Variants in CORO1C observed in about 807,000 individuals in gnomAD.
The protein encoded by CORO1C is coronin-1C.
A neutral mutation model predicts 51.2 loss-of-function variants in CORO1C; 14 were observed. That is an observed-to-expected ratio of 0.27 (90% CI 0.18 to 0.43). CORO1C has a LOEUF of 0.43. Among genes scored for constraint, CORO1C ranks in the 20% least tolerant of loss-of-function variants. The probability of loss-of-function intolerance (pLI) is 1.00; values close to 1 mark genes in which losing one functional copy is unlikely to be tolerated. For synonymous variants in CORO1C, 181 were observed against 210.5 expected (o/e 0.86, Z 1.21); for missense variants, 417 against 607.8 (o/e 0.69, Z 3.30).
intron 2 of CORO1C, among the ~76,000 whole-genome samples, chr12:108,698,655 C>T (rs1231068306): frequency 6.6e-6 from 1 of 152,262 alleles, no homozygotes; most frequent in Non-Finnish European, 1.5e-5. Context: ...GATCCGCCCG[C>T]CTCAGCCTCC....
intron 2 of CORO1C, among the ~76,000 whole-genome samples, chr12:108,680,421 C>T (rs781387637): frequency 2.0e-5 from 3 of 152,162 alleles, no homozygotes; most frequent in Non-Finnish European, 4.4e-5. Flanking sequence ...AAGGAAATTC[C>T]AATGAACACC....
chr12:108,681,022 T>A (rs2034106496), intron 2 of CORO1C, among the ~76,000 whole-genome samples: 1 of 152,212 alleles, frequency 6.6e-6, no homozygotes, highest in Admixed American at 6.5e-5. Context: ...TCTCTCTCTC[T>A]CTTGTTCTTG....
chr12:108,724,557 C>CAT (rs2035543655), intron 1 of CORO1C, among the ~76,000 whole-genome samples: 1 of 152,132 alleles, frequency 6.6e-6, no homozygotes, highest in Admixed American at 6.5e-5. Flanking sequence ...CAGCTGGATT[C>CAT]ATATAGGTCC....
chr12:108,701,481 G>A, intron 1 of CORO1C, 158 bp from the exon 2 acceptor site: 1 of 1,135,222 alleles, frequency 8.8e-7, no homozygotes, highest in Admixed American at 2.5e-5. Context: ...TCTTTTAGCA[G>A]CACATACCCG....
chr12:108,648,424 G>C (rs530153993), intron 10 of CORO1C, among the ~76,000 whole-genome samples, 181 bp downstream of exon 10: 1 of 152,256 alleles, frequency 6.6e-6, no homozygotes, highest in Non-Finnish European at 1.5e-5. Context: ...CGTTAAAGGA[G>C]GCAAGTGTTG....
In CORO1C at chr12:108,658,774, C is replaced by T; in HGVS notation, c.594G>A (p.Val198=). ...LICTASKDKK[V]RVIDPRKQEI... ...CTTGTTTCCTGGGATCAATGACTCT[C>T]ACTTTCTTGTCTTTGGAAGCTGTGC... Residue 198 remains valine, a synonymous_variant, in exon 5 of 11, where the codon GTG becomes GTA. Transcript: ENST00000261401. The surrounding 1 kb of genome is among the most constrained non-coding windows in gnomAD (Gnocchi z 4.9). 1 of 1,612,744 alleles carries T rather than the reference C, an allele frequency of 6.2e-7. No individual in the cohort carries two copies. Among genetic ancestry groups the T allele is most frequent in the Middle Eastern group, 1.7e-4 (1 of 6,060 alleles).
intron 1 of CORO1C, among the ~76,000 whole-genome samples, chr12:108,714,437 T>C (rs1203898389): frequency 1.4e-5 from 2 of 144,016 alleles, no homozygotes; most frequent in African/African-American, 2.5e-5. Flanking sequence ...TGAAAGAGCA[T>C]GCATAAAACA....
intron 1 of CORO1C, among the ~76,000 whole-genome samples, chr12:108,709,198 CTG>C (rs1229170287): frequency 2.0e-5 from 3 of 152,032 alleles, no homozygotes; most frequent in African/African-American, 7.2e-5. Context: ...TATCTCCAAA[CTG>C]TTTTTTTAAA....
chr12:108,669,024 C>T lies in CORO1C; in HGVS notation c.319-6866G>A, dbSNP rs547988939. ...TCTGGGAGTACAATTTACACAACTG[C>T]TGTGTGATAGTATAAAATGCTGTTT... On this transcript the variant is annotated intron_variant, in intron 3 of 10. Coordinates refer to ENST00000261401, the MANE Select transcript of CORO1C (RefSeq NM_014325.4). Among the ~76,000 whole-genome samples the T allele has an allele frequency of 2.6e-5, 4 of 152,246 alleles. No homozygotes were observed. In the South Asian group the frequency reaches 6.2e-4, roughly 24 times the overall value.
chr12:108,659,925 C>A (rs1422259026), intron 4 of CORO1C, among the ~76,000 whole-genome samples: 1 of 152,238 alleles, frequency 6.6e-6, no homozygotes, highest in Non-Finnish European at 1.5e-5. Context: ...ACAATGTCAA[C>A]TCATTCACCA....
At chr12:108,728,480 G>C (rs907733042) in intron 1 of CORO1C, among the ~76,000 whole-genome samples, 3 of 152,066 alleles carry the variant, frequency 2.0e-5, no homozygotes, top group African/African-American at 7.2e-5. Context: ...AGGGGTATGG[G>C]GTTTCTTTTT....
Position 108,657,290 on chromosome 12 carries a change from T to C in CORO1C, c.750+14A>G. ...CTCAAGTGAAAGCAAGTGGAAAGCC[T>C]GGGGAGGGCGTACCGGATTCCAGAG... On this transcript the variant is annotated intron_variant, in intron 6 of 10. Coordinates refer to ENST00000261401, the MANE Select transcript of CORO1C (RefSeq NM_014325.4). 6.8e-6 allele frequency: 11 copies of C among 1,612,262 alleles called. No individual in the cohort carries two copies. Among genetic ancestry groups the C allele is most frequent in the Non-Finnish European group, 9.3e-6 (11 of 1,178,916 alleles).
chr12:108,705,626 G>C (rs2035008331), intron 1 of CORO1C, among the ~76,000 whole-genome samples: 2 of 152,014 alleles, frequency 1.3e-5, no homozygotes, highest in African/African-American at 4.8e-5. Flanking sequence ...AATTGTATGA[G>C]GCCAGTATTA....
At chr12:108,671,494 GAAAA>G (rs1048576423) in intron 3 of CORO1C, among the ~76,000 whole-genome samples, 5 of 124,618 alleles carry the variant, frequency 4.0e-5, no homozygotes, top group Admixed American at 4.0e-4. Context: ...TGTAATGCAA[GAAAA>G]AAAAAAAAGA....
chr12:108,722,124 A>G (rs555239323), intron 1 of CORO1C, among the ~76,000 whole-genome samples: 1 of 152,290 alleles, frequency 6.6e-6, no homozygotes, highest in East Asian at 1.9e-4. Flanking sequence ...GAATGCAAAC[A>G]TTTCAAAGAG....
chr12:108,678,196 A>C lies in CORO1C; in HGVS notation c.318+76T>G, dbSNP rs554657027. 23 of 1,400,884 alleles carry C rather than the reference A, an allele frequency of 1.6e-5. No individual in the cohort carries two copies. The African/African-American group carries it at 2.9e-4, about 18-fold the overall frequency. The allele number at this position is 1,400,884 out of a possible 1,614,324, so 86.8% of individuals were successfully genotyped here. On this transcript the variant is annotated intron_variant, in intron 3 of 10. Transcript: ENST00000261401. Reference sequence around the variant, plus strand: ...TTTTCAAGCCTCTATACATACACACACACCCACACACATGCTTTTGAAAGC... The same window carrying C: ...TTTTCAAGCCTCTATACATACACACCCACCCACACACATGCTTTTGAAAGC...
At chr12:108,690,245 G>A (rs2034450275) in intron 2 of CORO1C, among the ~76,000 whole-genome samples, 1 of 152,066 alleles carries the variant, frequency 6.6e-6, no homozygotes, top group Non-Finnish European at 1.5e-5. Flanking sequence ...ATTCTGAGGA[G>A]GCTTTACTTT....
intron 4 of CORO1C, among the ~76,000 whole-genome samples, chr12:108,660,009 A>G (rs562665234): frequency 1.3e-5 from 2 of 152,362 alleles, no homozygotes; most frequent in South Asian, 4.1e-4. Context: ...AAGAGGCAGC[A>G]TGTGTTGCTC....
intron 8 of CORO1C, among the ~76,000 whole-genome samples, chr12:108,651,190 G>A (rs931891290): frequency 9.9e-5 from 15 of 152,258 alleles, no homozygotes; most frequent in African/African-American, 2.9e-4. Context: ...TTTGGAAGAC[G>A]TAAGTATCAA....
Sources: gnomAD v4.1 joint callset for allele counts (sites outside exome capture counted in the v4.1 genomes callset) on GRCh38, gnomAD v4.1.1 for gene constraint, Gnocchi (gnomAD v3.1) non-coding constraint, MANE v1.5 for transcripts, NCBI Gene and HGNC (gene_info 2026-07-23, HGNC 2026-07-21) for gene names.